GPHN: variants seen among roughly 807,000 people sequenced by gnomAD.
GPHN encodes the protein gephyrin.
In GPHN, 17 loss-of-function variants were observed where a neutral mutation model predicts 95.5. That is an observed-to-expected ratio of 0.18 (90% CI 0.12 to 0.27). The LOEUF (loss-of-function observed/expected upper bound fraction) is 0.27. GPHN is among the 10% of genes least tolerant of loss of function. The pLI, the probability that GPHN is intolerant of heterozygous loss-of-function variation, is 1.00. For missense variants in GPHN, 660 were observed against 978.1 expected (o/e 0.67, Z 4.34); for synonymous variants, 320 against 322.5 (o/e 0.99, Z 0.08).
chr14:66,583,912 A>G (rs1285332309), intron 1 of GPHN, among the ~76,000 whole-genome samples: 1 of 151,956 alleles, frequency 6.6e-6, no homozygotes, highest in Non-Finnish European at 1.5e-5. Flanking sequence ...GTTTTTTCCA[A>G]TTCTGTGAAG....
chr14:66,726,474 T>C (rs1349298060), intron 2 of GPHN, among the ~76,000 whole-genome samples: 2 of 152,208 alleles, frequency 1.3e-5, no homozygotes, highest in African/African-American at 4.8e-5. Context: ...TTTAATATTT[T>C]TCTGTATTTA....
chr14:67,237,800 A>G, the GPHN span, among the ~76,000 whole-genome samples: 1 of 152,156 alleles, frequency 6.6e-6, no homozygotes, highest in Admixed American at 6.6e-5. Flanking sequence ...CATCCATAAT[A>G]TTTAGTTACA....
At chr14:67,673,923 C>A in the GPHN span, among the ~76,000 whole-genome samples, 4 of 152,244 alleles carry the variant, frequency 2.6e-5, no homozygotes, top group African/African-American at 9.6e-5. Flanking sequence ...CCTCCAATAA[C>A]TGGTATTTAC....
chr14:66,975,848 G>T (rs1289697291), intron 9 of GPHN, among the ~76,000 whole-genome samples: 1 of 152,256 alleles, frequency 6.6e-6, no homozygotes, highest in African/African-American at 2.4e-5. Context: ...CTCCCAGCCT[G>T]GGTGACAAAG....
Position 67,010,705 on chromosome 14 carries a change from C to T in GPHN, c.964-12928C>T, listed in dbSNP as rs575270223. ...TGTGGGATGTAAGAGTTGGAAAGCT[C>T]TAATGGATGAGTTTCTGCAGAGTTT... On this transcript the variant is annotated intron_variant, in intron 9 of 22. Coordinates refer to ENST00000478722, the MANE Select transcript of GPHN (RefSeq NM_020806.5). 2.6e-5 allele frequency among the ~76,000 whole-genome samples: 4 copies of T among 151,882 alleles called. No homozygotes were observed. In the East Asian group the frequency reaches 7.7e-4, roughly 29 times the overall value.
chr14:67,418,074 G>A, the GPHN span, among the ~76,000 whole-genome samples: 7 of 152,180 alleles, frequency 4.6e-5, no homozygotes, highest in Non-Finnish European at 1.0e-4. Flanking sequence ...TGGGGAGTGG[G>A]TAGAGTAGCA....
At chr14:67,191,771 A>G in the GPHN span, among the ~76,000 whole-genome samples, 1 of 152,198 alleles carries the variant, frequency 6.6e-6, no homozygotes, top group African/African-American at 2.4e-5. Flanking sequence ...CACATACAGC[A>G]CATTGCTTGG....
intron 1 of GPHN, among the ~76,000 whole-genome samples, chr14:66,614,685 G>T (rs1383442181): frequency 6.6e-6 from 1 of 150,566 alleles, no homozygotes; most frequent in Non-Finnish European, 1.5e-5. Context: ...AAAAGGGAAA[G>T]TTTTTAATAT....
At chr14:66,740,171 TATA>T (rs1418545572) in intron 2 of GPHN, among the ~76,000 whole-genome samples, 5 of 152,140 alleles carry the variant, frequency 3.3e-5, no homozygotes, top group Non-Finnish European at 5.9e-5. Context: ...ATGTCTAAAA[TATA>T]ATCAAATATA....
At chr14:66,994,223 G>A (rs1019146297) in intron 9 of GPHN, among the ~76,000 whole-genome samples, 2 of 152,002 alleles carry the variant, frequency 1.3e-5, no homozygotes, top group South Asian at 4.1e-4. Flanking sequence ...AAAATTAGCC[G>A]GGCATGATGG....
the GPHN span, among the ~76,000 whole-genome samples, chr14:67,331,997 T>A: frequency 6.6e-6 from 1 of 152,362 alleles, no homozygotes; most frequent in East Asian, 1.9e-4. Context: ...ATATGTTTTC[T>A]TACTGTTACA....
the GPHN span, among the ~76,000 whole-genome samples, chr14:67,623,665 C>T: frequency 6.6e-6 from 1 of 151,106 alleles, no homozygotes; most frequent in African/African-American, 2.4e-5. Flanking sequence ...CCTCAACCTC[C>T]AAAGTAGCTG....
At chr14:67,358,531 C>T in the GPHN span, among the ~76,000 whole-genome samples, 1 of 151,996 alleles carries the variant, frequency 6.6e-6, no homozygotes, top group Non-Finnish European at 1.5e-5. Context: ...TTTCTGCTTC[C>T]TCACTGAAAA....
At chr14:66,915,792 A>AT (rs1359449098) in intron 5 of GPHN, among the ~76,000 whole-genome samples, 1 of 152,120 alleles carries the variant, frequency 6.6e-6, no homozygotes, top group Admixed American at 6.6e-5. Flanking sequence ...CATTCAGTAC[A>AT]TTTTTTCCAA....
the GPHN span, chr14:67,674,360 C>T: frequency 1.3e-6 from 2 of 1,576,552 alleles, no homozygotes; most frequent in Non-Finnish European, 1.7e-6. Flanking sequence ...ACGGCGTGGC[C>T]CACCCCCGCC....
At chr14:66,722,020 A>G (rs1454752740) in intron 2 of GPHN, among the ~76,000 whole-genome samples, 5 of 151,654 alleles carry the variant, frequency 3.3e-5, no homozygotes, top group African/African-American at 1.2e-4. Context: ...CAAAAATGTC[A>G]GAAGGTTTTA....
chr14:67,226,978 A>G, the GPHN span, among the ~76,000 whole-genome samples: 2 of 152,234 alleles, frequency 1.3e-5, no homozygotes, highest in East Asian at 3.8e-4. Flanking sequence ...TAGAATTTAA[A>G]GAGAGAAATT....
the GPHN span, chr14:67,334,168 G>A: frequency 1.3e-5 from 2 of 152,572 alleles, no homozygotes; most frequent in African/African-American, 4.8e-5. Context: ...TAAATATATA[G>A]AAATAGGTTT....
the GPHN span, chr14:67,382,422 A>C: frequency 1.3e-6 from 2 of 1,597,992 alleles, no homozygotes; most frequent in Non-Finnish European, 1.7e-6. Flanking sequence ...ACATTCATAA[A>C]TGAATTTTTG....
Sources: gnomAD v4.1 joint callset for allele counts (sites outside exome capture counted in the v4.1 genomes callset) on GRCh38, gnomAD v4.1.1 for gene constraint, MANE v1.5 for transcripts, NCBI Gene and HGNC (gene_info 2026-07-23, HGNC 2026-07-21) for gene names.